TBXAS1: variants seen among roughly 807,000 people sequenced by gnomAD.
The protein encoded by TBXAS1 is thromboxane A synthase 1.
Under a neutral mutation model 60.7 loss-of-function variants are expected in TBXAS1, and 48 were observed. That is an observed-to-expected ratio of 0.79 (90% CI 0.63 to 1.01). The LOEUF (loss-of-function observed/expected upper bound fraction) is 1.01, where lower values mean the gene tolerates loss of function less well. Ranked by LOEUF, TBXAS1 falls within the 50% of genes least tolerant of loss-of-function variation. TBXAS1 has a pLI of 0.00. For synonymous variants in TBXAS1, 287 were observed against 269.7 expected, an observed-to-expected ratio of 1.06 and a Z score of -0.63; for missense variants, 685 against 686.3, an observed-to-expected ratio of 1.00 and a Z score of 0.02.
intron 1 of TBXAS1, among the ~76,000 whole-genome samples, chr7:139,845,421 C>A (rs1338985632): frequency 6.6e-6 from 1 of 152,138 alleles, no homozygotes; most frequent in African/African-American, 2.4e-5. Context: ...TTCTTTCCTT[C>A]TACTTGCATG....
At chr7:139,803,863 A>C (rs546260660) in intron 4 of TBXAS1, among the ~76,000 whole-genome samples, 4 of 152,256 alleles carry the variant, frequency 2.6e-5, no homozygotes, top group Non-Finnish European at 4.4e-5. Flanking sequence ...TAGATTTCAG[A>C]GGATGAATGG....
Position 139,961,940 on chromosome 7 carries a change from A to G in TBXAS1, c.841A>G (p.Met281Val), listed in dbSNP as rs1461978002. Residue 281 changes from methionine to valine, a missense_variant, in exon 9 of 13, where the codon ATG becomes GTG. By Grantham distance (21) the Met-to-Val change is conservative. Transcript: ENST00000448866. ...TTAGAGGCGGAGAGACTTCCTCCAA[A>G]TGGTCCTGGATGCCCGACATTCTGC... ...AEERRRDFLQ[M>V]VLDARHSASP... is the part of the protein sequence containing the mutation. 3.1e-6 allele frequency: 5 copies of G among 1,614,164 alleles called. No individual in the cohort carries two copies. Among genetic ancestry groups the G allele is most frequent in the Admixed American group, 1.7e-5 (1 of 60,028 alleles).
chr7:139,875,280 A>T (rs1802143124), intron 2 of TBXAS1, among the ~76,000 whole-genome samples: 1 of 152,254 alleles, frequency 6.6e-6, no homozygotes, highest in African/African-American at 2.4e-5. Flanking sequence ...TGATAATGCT[A>T]AATCAAATTT....
chr7:139,786,361 G>T (rs1228624369), intron 3 of TBXAS1, among the ~76,000 whole-genome samples: 1 of 151,680 alleles, frequency 6.6e-6, no homozygotes, highest in African/African-American at 2.4e-5. Flanking sequence ...CATGAGAAAG[G>T]GTATACTTCT....
At position 139,900,065 on chromosome 7, in the gene TBXAS1, C is replaced by A. The variant is rs147031294; in HGVS notation, c.237-11160C>A. The stretch of plus-strand genomic sequence containing the variant: ...AGAATGAAGCCTGGTCAATAGTAAA[C>A]CCTCAAAATAAATGCTAACGATTGT... On this transcript the variant is annotated intron_variant, in intron 3 of 12. Transcript: ENST00000448866. Among the ~76,000 whole-genome samples the A allele has an allele frequency of 3.2e-3, 486 of 152,234 alleles. 1 individual carries two copies. The highest frequency in any genetic ancestry group is 0.024 in the Middle Eastern group (7 of 294).
In TBXAS1 at chr7:139,778,789, C is replaced by T. The variant is rs1317417208; in HGVS notation, c.-318+318C>T. Among the ~76,000 whole-genome samples the T allele has an allele frequency of 6.6e-6, 1 of 152,138 alleles. No individual in the cohort carries two copies. The highest frequency in any genetic ancestry group is 1.5e-5 in the Non-Finnish European group (1 of 68,026). ...ATCAGGGCTTCCGCTAAACACTCTC[C>T]AGACTCTCCCCAGCCGGGAGCCTCT... On this transcript the variant is annotated intron_variant, in intron 1 of 16. Coordinates refer to the TBXAS1 transcript ENST00000336425. This position sits in a 1 kb window ranked among gnomAD's most constrained non-coding sequence, Gnocchi z 4.8.
intron 9 of TBXAS1, among the ~76,000 whole-genome samples, chr7:139,989,354 G>C (rs1812729413): frequency 6.6e-6 from 1 of 152,196 alleles, no homozygotes; most frequent in Non-Finnish European, 1.5e-5. Flanking sequence ...CCACTTCCGT[G>C]GGCCCAGTGC....
At chr7:139,833,509 C>CAAAAA (rs56291914) in intron 1 of TBXAS1, among the ~76,000 whole-genome samples, 1 of 74,410 alleles carries the variant, frequency 1.3e-5, no homozygotes, top group East Asian at 4.6e-4. Flanking sequence ...ACTAAAAATA[C>CAAAAA]AAAAAAAAAA....
At chr7:140,011,034 T>C (rs945834731) in intron 10 of TBXAS1, among the ~76,000 whole-genome samples, 8 of 151,284 alleles carry the variant, frequency 5.3e-5, no homozygotes, top group African/African-American at 1.9e-4. Flanking sequence ...TTCCAGCACT[T>C]TGGGAGGCAA....
chr7:139,891,401 C>A (rs1325266254), intron 3 of TBXAS1, among the ~76,000 whole-genome samples: 1 of 151,932 alleles, frequency 6.6e-6, no homozygotes, highest in Non-Finnish European at 1.5e-5. Flanking sequence ...AGAGTTTGGC[C>A]GGGCTAGTTG....
chr7:139,809,249 A>AGATAGAT (rs1569493114), intron 4 of TBXAS1, among the ~76,000 whole-genome samples: 14 of 144,500 alleles, frequency 9.7e-5, no homozygotes, highest in African/African-American at 3.3e-4. Flanking sequence ...ATAGATAGAT[A>AGATAGAT]GATAGATAGA....
intron 4 of TBXAS1, among the ~76,000 whole-genome samples, chr7:139,818,798 A>G (rs541709297): frequency 2.6e-5 from 4 of 152,332 alleles, no homozygotes; most frequent in Admixed American, 2.6e-4. Flanking sequence ...AATACCACAC[A>G]TAGACGGCTC....
intron 3 of TBXAS1, among the ~76,000 whole-genome samples, chr7:139,888,660 G>A (rs913428622): frequency 6.6e-6 from 1 of 152,174 alleles, no homozygotes; most frequent in African/African-American, 2.4e-5. Context: ...ATCCAAAAAA[G>A]GAGAGGTGGC....
chr7:139,869,113 T>C (rs1417094866), intron 1 of TBXAS1, among the ~76,000 whole-genome samples: 2 of 152,170 alleles, frequency 1.3e-5, no homozygotes, highest in Non-Finnish European at 2.9e-5. Flanking sequence ...AGAAATTTAT[T>C]GTGTCACAGT....
chr7:139,792,278 A>G (rs1201242938), intron 4 of TBXAS1, among the ~76,000 whole-genome samples: 2 of 152,208 alleles, frequency 1.3e-5, no homozygotes, highest in African/African-American at 2.4e-5. Flanking sequence ...ACTCTTGAGT[A>G]AACTGGTAAA....
chr7:140,020,238 TA>T lies in TBXAS1; in HGVS notation c.*141del. 1.2e-6 allele frequency: 1 copy of T among 831,508 alleles called. No individual in the cohort carries two copies. Among genetic ancestry groups the T allele is most frequent in the East Asian group, 2.6e-5 (1 of 38,998 alleles). 51.5% of individuals were successfully genotyped at this position (831,508 alleles called of 1,614,324 possible). A position where few individuals can be genotyped will look rare whatever the true frequency, so the allele number is the denominator to read the frequency against. On this transcript the variant is annotated 3_prime_UTR_variant, in exon 13 of 13. Coordinates refer to ENST00000448866, the MANE Select transcript of TBXAS1 (RefSeq NM_001061.7). ...ATGCAAGGATAAGAGGTTCTTTACA[TA>T]ACATTTCCTAAATGCTTAATAAACG...
At chr7:139,867,249 C>T (rs562187469) in intron 1 of TBXAS1, among the ~76,000 whole-genome samples, 1 of 152,330 alleles carries the variant, frequency 6.6e-6, no homozygotes, top group East Asian at 1.9e-4. Flanking sequence ...ATTTCAAATA[C>T]ATCCACTGAA....
chr7:139,979,653 G>C (rs1230051662), intron 9 of TBXAS1, among the ~76,000 whole-genome samples: 1 of 151,606 alleles, frequency 6.6e-6, no homozygotes, highest in Non-Finnish European at 1.5e-5. Context: ...TTGAACCCAG[G>C]AAGCAGAGGT....
intron 10 of TBXAS1, among the ~76,000 whole-genome samples, 173 bp downstream of exon 10, chr7:140,007,355 T>C (rs1328392263): frequency 1.3e-5 from 2 of 152,136 alleles, no homozygotes; most frequent in Admixed American, 6.5e-5. Context: ...TGGCCCGCTT[T>C]CCTACAGGTT....
Sources: gnomAD v4.1 joint callset for allele counts (sites outside exome capture counted in the v4.1 genomes callset) on GRCh38, gnomAD v4.1.1 for gene constraint, Gnocchi (gnomAD v3.1) non-coding constraint, MANE v1.5 for transcripts, NCBI Gene and HGNC (gene_info 2026-07-23, HGNC 2026-07-21) for gene names.